The following SFXN4 variants were observed in gnomAD, a reference collection of about 807,000 sequenced individuals.
SFXN4 encodes sideroflexin 4.
In SFXN4, 48 loss-of-function variants were observed where a neutral mutation model predicts 54.6. That is an observed-to-expected ratio of 0.88 (90% CI 0.70 to 1.12). The LOEUF is 1.12. SFXN4 is among the 50% of genes most tolerant of loss of function. The pLI is 0.00. For missense variants in SFXN4, 383 were observed against 409.2 expected (o/e 0.94, Z 0.55); for synonymous variants, 130 against 145.5 (o/e 0.89, Z 0.77).
chr10:119,157,589 T>C (rs1847323882), intron 9 of SFXN4, 79 bp downstream of exon 9: 2 of 1,181,208 alleles, frequency 1.7e-6, no homozygotes, highest in South Asian at 2.8e-5. Flanking sequence ...AATTGGAACA[T>C]AAATTTGTAA....
chr10:119,159,448 G>A (rs543610666), intron 6 of SFXN4, among the ~76,000 whole-genome samples: 25 of 152,122 alleles, frequency 1.6e-4, no homozygotes, highest in Non-Finnish European at 2.5e-4. Flanking sequence ...CGCTTCTACC[G>A]TGCTCTGCGC....
chr10:119,141,711 T>G (rs1846531085), intron 13 of SFXN4, among the ~76,000 whole-genome samples: 1 of 152,118 alleles, frequency 6.6e-6, no homozygotes, highest in Non-Finnish European at 1.5e-5. Flanking sequence ...TCTCTACATT[T>G]GTTTATAATT....
chr10:119,148,845 T>C (rs1846930624), intron 11 of SFXN4, among the ~76,000 whole-genome samples: 1 of 152,152 alleles, frequency 6.6e-6, no homozygotes, highest in Non-Finnish European at 1.5e-5. Context: ...AAGGGAAATT[T>C]TGACTATAAG....
chr10:119,165,201 C>T, intron 1 of SFXN4: 1 of 1,063,018 alleles, frequency 9.4e-7, no homozygotes, highest in Middle Eastern at 4.2e-4. Context: ...GCTGAGCTTA[C>T]CAAGGTGCGA....
At chr10:119,158,352 G>A (rs1342244682) in intron 6 of SFXN4, among the ~76,000 whole-genome samples, 4 of 152,104 alleles carry the variant, frequency 2.6e-5, no homozygotes, top group Non-Finnish European at 5.9e-5. Context: ...TGGGTGCAGT[G>A]GCTCACTCCT....
rs1170270163 is a variant in SFXN4, at chr10:119,164,054, A to G, written c.177+77T>C. 7.0e-6 allele frequency: 6 copies of G among 862,484 alleles called. No homozygotes were observed. In the East Asian group the frequency reaches 1.1e-4, roughly 16 times the overall value. 53.4% of individuals were successfully genotyped at this position (862,484 alleles called of 1,614,324 possible). On this transcript the variant is annotated intron_variant, in intron 2 of 13. Coordinates refer to ENST00000355697, the MANE Select transcript of SFXN4 (RefSeq NM_213649.2). Reference sequence around the variant, plus strand: ...AAACTCCGTCTCAAAAAAAAAAAAAAAAAAAAAAAAGGGACACACAGACTT... The same window carrying G: ...AAACTCCGTCTCAAAAAAAAAAAAAGAAAAAAAAAAGGGACACACAGACTT...
intron 6 of SFXN4, 124 bp from the exon 7 acceptor site, chr10:119,158,186 G>A (rs1157424320): frequency 3.4e-6 from 3 of 890,440 alleles, no homozygotes; most frequent in South Asian, 1.4e-5. Context: ...GGAGAGGATG[G>A]TGGTGGGTAC....
At chr10:119,156,564 C>G in intron 10 of SFXN4, 114 bp downstream of exon 10, 1 of 833,416 alleles carries the variant, frequency 1.2e-6, no homozygotes, top group Non-Finnish European at 2.0e-6. Flanking sequence ...GCAAAGGCCA[C>G]CTGTCATCAG....
chr10:119,148,314 T>C (rs1190993436), intron 11 of SFXN4, among the ~76,000 whole-genome samples: 2 of 152,030 alleles, frequency 1.3e-5, no homozygotes, highest in Non-Finnish European at 2.9e-5. Flanking sequence ...CCACGTAACT[T>C]TCCATGTACA....
At chr10:119,164,935 C>T (rs1247080949) in intron 1 of SFXN4, among the ~76,000 whole-genome samples, 1 of 152,214 alleles carries the variant, frequency 6.6e-6, no homozygotes, top group Non-Finnish European at 1.5e-5. Flanking sequence ...AGTAAAATAT[C>T]TCAGCAATGT....
intron 13 of SFXN4, 25 bp from the exon 14 acceptor site, chr10:119,141,344 G>A (rs2133557615): frequency 7.0e-7 from 1 of 1,425,720 alleles, no homozygotes; most frequent in Non-Finnish European, 9.7e-7. Flanking sequence ...AATTCATAAT[G>A]TTTCTATTAA....
At chr10:119,157,141 A>G (rs1847307902) in intron 9 of SFXN4, among the ~76,000 whole-genome samples, 1 of 152,194 alleles carries the variant, frequency 6.6e-6, no homozygotes, top group Non-Finnish European at 1.5e-5. Flanking sequence ...AAAAGATAAC[A>G]GTACCAGCCA....
At chr10:119,147,941 C>T (rs541961430) in intron 11 of SFXN4, 81 bp from the exon 12 acceptor site, 337 of 1,092,242 alleles carry the variant, frequency 3.1e-4, no homozygotes, top group Middle Eastern at 3.0e-3. Context: ...GAGGCCGAGG[C>T]GGGTAGATCG....
At chr10:119,164,771 C>T (rs1847699832) in intron 1 of SFXN4, among the ~76,000 whole-genome samples, 1 of 151,800 alleles carries the variant, frequency 6.6e-6, no homozygotes, top group Non-Finnish European at 1.5e-5. Flanking sequence ...AATTTCCCCA[C>T]CTAAAAAAAA....
Position 119,155,177 on chromosome 10 carries a change from A to G in SFXN4, c.617T>C (p.Val206Ala), listed in dbSNP as rs1847231657. ...GTAGACATTCATTCCACTGGCTTGCACTGTAGATGTAAAGAAGTAAAGAAC... is the reference window on the plus strand; with the variant it reads ...GTAGACATTCATTCCACTGGCTTGCGCTGTAGATGTAAAGAAGTAAAGAAC... ...IKRLLPVIFL[V>A]QASGMNVYMS... The change falls in exon 11 of 14, where the codon GTG becomes GCG. Residue 206 changes from valine (V) to alanine (A), a missense_variant and splice_region_variant. Coordinates refer to ENST00000355697, the MANE Select transcript of SFXN4 (RefSeq NM_213649.2). 1 of 1,607,088 alleles carries G rather than the reference A, an allele frequency of 6.2e-7. No individual in the cohort carries two copies. Among genetic ancestry groups the G allele is most frequent in the Non-Finnish European group, 8.5e-7 (1 of 1,173,752 alleles).
intron 2 of SFXN4, 142 bp downstream of exon 2, chr10:119,163,989 G>C (rs530944937): frequency 3.3e-6 from 2 of 597,990 alleles, no homozygotes; most frequent in Admixed American, 3.4e-5. Context: ...CTTGTGAGCC[G>C]AGATGGTGCC....
intron 2 of SFXN4, 91 bp downstream of exon 2, chr10:119,164,040 C>CA (rs368539311): frequency 0.06 from 17,972 of 299,156 alleles, 18 homozygotes; most frequent in South Asian, 0.075. Context: ...AACTCCGTCT[C>CA]AAAAAAAAAA....
intron 2 of SFXN4, among the ~76,000 whole-genome samples, chr10:119,163,658 C>T (rs1014659964): frequency 6.6e-6 from 1 of 151,918 alleles, no homozygotes; most frequent in South Asian, 2.1e-4. Flanking sequence ...CCACCTCGGC[C>T]TCCCAAAGTG....
intron 11 of SFXN4, among the ~76,000 whole-genome samples, chr10:119,153,854 G>C (rs562664156): frequency 6.6e-6 from 1 of 152,224 alleles, no homozygotes; most frequent in African/African-American, 2.4e-5. Flanking sequence ...TGCAGACACA[G>C]GGCACGTCTG....
Sources: allele counts gnomAD v4.1 joint callset (sites outside exome capture counted in the v4.1 genomes callset), GRCh38; gene constraint gnomAD v4.1.1; transcripts MANE v1.5; gene names NCBI Gene and HGNC (gene_info 2026-07-23, HGNC 2026-07-21).